UBA2: variants seen among roughly 807,000 people sequenced by gnomAD.
UBA2 encodes the protein ubiquitin like modifier activating enzyme 2.
A neutral mutation model predicts 77.2 loss-of-function variants in UBA2; 11 were observed. The observed-to-expected ratio is 0.14, with a 90% CI of 0.09 to 0.24. The LOEUF (loss-of-function observed/expected upper bound fraction) is 0.24. Among genes scored for constraint, UBA2 ranks in the 10% least tolerant of loss-of-function variants. The pLI is 1.00. For synonymous variants in UBA2, 278 were observed against 276.7 expected, an observed-to-expected ratio of 1.00 and a Z score of -0.05; for missense variants, 487 against 781.7, an observed-to-expected ratio of 0.62 and a Z score of 4.50.
rs2075662197 is a variant in UBA2 at position 34,464,111 on chromosome 19, A to G, written c.1584A>G (p.Leu528=). ...ATGACTTCCTCCAGGACTATACTTT[A>G]TTGATCAACATCCTTCATAGGTAAG... The part of the protein sequence containing the change: ...QADDFLQDYT[L]LINILHSEDL... The change falls in exon 15 of 17, where the codon TTA becomes TTG. Residue 528 remains leucine (L), a synonymous_variant. Coordinates refer to ENST00000246548, the MANE Select transcript of UBA2 (RefSeq NM_005499.3). 3 of 1,609,272 alleles carry G rather than the reference A, an allele frequency of 1.9e-6. No homozygotes were observed. Among genetic ancestry groups the G allele is most frequent in the Middle Eastern group, 1.6e-4 (1 of 6,068 alleles).
Position 34,433,427 on chromosome 19 carries a change from A to C in UBA2, c.358+15A>C. ...AGATAACAGAGGTGAGGTTATTTTA[A>C]TACTTTTAATTTCTCAGTATTTCCT... On this transcript the variant is annotated intron_variant, in intron 4 of 16. Coordinates refer to ENST00000246548, the MANE Select transcript of UBA2 (RefSeq NM_005499.3). The C allele has an allele frequency of 6.6e-7, 1 of 1,523,352 alleles. No homozygotes were observed. The highest frequency in any genetic ancestry group is 9.1e-7 in the Non-Finnish European group (1 of 1,103,008). The allele number at this position is 1,523,352 out of a possible 1,614,324, so 94.4% of individuals were successfully genotyped here. A position where few individuals can be genotyped will look rare whatever the true frequency, so the allele number is the denominator to read the frequency against.
Position 34,431,244 on chromosome 19 carries a change from C to CTTTTTTT in UBA2, c.223-599_223-593dup, listed in dbSNP as rs1184297228. On this transcript the variant is annotated intron_variant, in intron 2 of 16. Coordinates refer to ENST00000246548, the MANE Select transcript of UBA2 (RefSeq NM_005499.3). ...TTTACTTTTCCTATCATTTTCTTTTCTTTTTTTTTTTTTTTTTTTTTTTTA... is the reference window on the plus strand; with the variant it reads ...TTTACTTTTCCTATCATTTTCTTTTCTTTTTTTTTTTTTTTTTTTTTTTTTTTTTTTA... Among the ~76,000 whole-genome samples the CTTTTTTT allele has an allele frequency of 3.0e-3, 206 of 69,376 alleles. 9 individuals carry two copies. The highest frequency in any genetic ancestry group is 5.7e-3 in the Admixed American group (23 of 4,026). The allele number at this position is 69,376 out of a possible 152,430, so 45.5% of individuals were successfully genotyped here. A position where few individuals can be genotyped will look rare whatever the true frequency, so the allele number is the denominator to read the frequency against.
At chr19:34,465,617 CAG>C (rs200218400) in intron 15 of UBA2, among the ~76,000 whole-genome samples, 2,243 of 130,708 alleles carry the variant, frequency 0.017, 55 homozygotes, top group African/African-American at 0.063. Context: ...GCCTGGGCGA[CAG>C]AGGGGGACTC....
intron 6 of UBA2, among the ~76,000 whole-genome samples, chr19:34,440,656 C>T (rs1358661056): frequency 1.3e-5 from 2 of 152,184 alleles, no homozygotes; most frequent in East Asian, 3.8e-4. Flanking sequence ...GGAATGGGCG[C>T]AGTGTATCAT....
At chr19:34,437,264 A>G (rs1480659315) in intron 5 of UBA2, among the ~76,000 whole-genome samples, 1 of 149,784 alleles carries the variant, frequency 6.7e-6, no homozygotes, top group Non-Finnish European at 1.5e-5. Context: ...GCCCGGCCAG[A>G]CATTGCTTTT....
chr19:34,441,930 C>CAAAAAAAAAA (rs71165656), intron 6 of UBA2, among the ~76,000 whole-genome samples: 1 of 136,438 alleles, frequency 7.3e-6, no homozygotes. Flanking sequence ...CAGAAAAAGA[C>CAAAAAAAAAA]AAAAAAAAAA....
intron 7 of UBA2, 31 bp from the exon 8 acceptor site, chr19:34,444,969 G>C: frequency 2.5e-6 from 4 of 1,598,326 alleles, no homozygotes; most frequent in Non-Finnish European, 3.4e-6. Context: ...CATTTATTAC[G>C]GTTGAAAATA....
At chr19:34,449,304 G>A (rs957019406) in intron 8 of UBA2, among the ~76,000 whole-genome samples, 1 of 138,108 alleles carries the variant, frequency 7.2e-6, no homozygotes, top group African/African-American at 2.6e-5. Context: ...TCTTGACTTC[G>A]TGATCCACCT....
rs565052436 is a variant in UBA2, at chr19:34,469,116, A to G, written c.1818A>G (p.Glu606=). 240 of 1,613,756 alleles carry G rather than the reference A, an allele frequency of 1.5e-4. 5 individuals are homozygous for G. The South Asian group carries it at 2.5e-3, about 17-fold the overall frequency. The part of the protein sequence containing the change: ...DSSNNADVSE[E]ERSRKRKLDE... ...CAAATAATGCCGACGTCAGTGAAGA[A>G]GAGAGAAGCCGCAAGAGGAAATTAG... Residue 606 remains glutamate, a synonymous_variant, in exon 17 of 17, where the codon GAA becomes GAG. Coordinates refer to ENST00000246548, the MANE Select transcript of UBA2 (RefSeq NM_005499.3).
At position 34,459,591 on chromosome 19, in the gene UBA2, A is replaced by ATGG. The variant is rs1191566508; in HGVS notation, c.1401+669_1401+671dup. 3.3e-5 allele frequency among the ~76,000 whole-genome samples: 5 copies of ATGG among 152,156 alleles called. No individual in the cohort carries two copies. The East Asian group carries it at 7.7e-4, about 23-fold the overall frequency. ...GAGGGAAGAAATGGGGGTTTAGGAC[A>ATGG]TGGTCTGGTCCTTAAGTTCCTGTTA... On this transcript the variant is annotated intron_variant, in intron 13 of 16. Transcript: ENST00000246548.
chr19:34,455,298 T>A (rs1279060962), intron 12 of UBA2, among the ~76,000 whole-genome samples: 1 of 152,218 alleles, frequency 6.6e-6, no homozygotes, highest in Non-Finnish European at 1.5e-5. Context: ...AAGATCATTT[T>A]TATGGAGAAA....
intron 6 of UBA2, among the ~76,000 whole-genome samples, chr19:34,440,621 C>T (rs549215895): frequency 6.6e-5 from 10 of 152,166 alleles, no homozygotes; most frequent in African/African-American, 2.2e-4. Context: ...TGCAAAAATC[C>T]TATGTAAAAT....
chr19:34,430,522 C>G (rs2075241663), intron 1 of UBA2, 54 bp from the exon 2 acceptor site: 6 of 1,376,600 alleles, frequency 4.4e-6, no homozygotes, highest in Non-Finnish European at 6.2e-6. Flanking sequence ...AGTAGTGATA[C>G]AGCTCAAACA....
At chr19:34,429,279 C>T in intron 1 of UBA2, 1 of 980,982 alleles carries the variant, frequency 1.0e-6, no homozygotes, top group Non-Finnish European at 1.2e-6. Context: ...CATTGGTGTA[C>T]GTTGACAAGC....
At chr19:34,438,359 C>G (rs1302472669) in intron 5 of UBA2, among the ~76,000 whole-genome samples, 1 of 152,008 alleles carries the variant, frequency 6.6e-6, no homozygotes, top group Non-Finnish European at 1.5e-5. Flanking sequence ...TCAAGGTAAA[C>G]TCATATTTGA....
At position 34,467,793 on chromosome 19, in the gene UBA2, A is replaced by G. The variant is rs543764071; in HGVS notation, c.1741+779A>G. 4.4e-4 allele frequency among the ~76,000 whole-genome samples: 67 copies of G among 152,312 alleles called. No homozygotes were observed. The East Asian group carries it at 0.012, about 26-fold the overall frequency. Reference sequence around the variant, plus strand: ...AACAAGTCATTTAAGACTGGGGGAAATTCTTATGGAAATTTCTTACAGAAA... The same window carrying G: ...AACAAGTCATTTAAGACTGGGGGAAGTTCTTATGGAAATTTCTTACAGAAA... On this transcript the variant is annotated intron_variant, in intron 16 of 16. Transcript: ENST00000246548.
At chr19:34,466,644 A>C (rs1389807279) in intron 15 of UBA2, among the ~76,000 whole-genome samples, 1 of 152,204 alleles carries the variant, frequency 6.6e-6, no homozygotes, top group African/African-American at 2.4e-5. Flanking sequence ...CTGTAATCCC[A>C]GCACTTTAGG....
At chr19:34,461,512 A>C (rs572638261) in intron 14 of UBA2, among the ~76,000 whole-genome samples, 1 of 152,308 alleles carries the variant, frequency 6.6e-6, no homozygotes, top group East Asian at 1.9e-4. Context: ...ACTTTTAAAA[A>C]AATGTTTGTT....
At chr19:34,457,178 AAATAT>A (rs1299760141) in intron 12 of UBA2, among the ~76,000 whole-genome samples, 16 of 89,740 alleles carry the variant, frequency 1.8e-4, no homozygotes, top group African/African-American at 6.0e-4. Context: ...AAAAAAAAAA[AAATAT>A]ATATATATAT....
Sources: allele counts gnomAD v4.1 joint callset (sites outside exome capture counted in the v4.1 genomes callset), GRCh38; gene constraint gnomAD v4.1.1; transcripts MANE v1.5; gene names NCBI Gene and HGNC (gene_info 2026-07-23, HGNC 2026-07-21).